RNF150: variants seen among roughly 807,000 people sequenced by gnomAD.
RNF150 encodes ring finger protein 150.
In RNF150, 24 loss-of-function variants were observed where a neutral mutation model predicts 39.3. The observed-to-expected ratio is 0.61, with a 90% CI of 0.44 to 0.86. The LOEUF (loss-of-function observed/expected upper bound fraction) is 0.86, where lower values mean the gene tolerates loss of function less well. RNF150 is among the 40% of genes least tolerant of loss of function. The pLI is 0.00. For synonymous variants in RNF150, 255 were observed against 227.3 expected (o/e 1.12, Z -1.10); for missense variants, 502 against 587.8 (o/e 0.85, Z 1.51).
chr4:140,916,707 C>T (rs1302958542), intron 5 of RNF150, among the ~76,000 whole-genome samples: 1 of 152,108 alleles, frequency 6.6e-6, no homozygotes, highest in Admixed American at 6.6e-5. Flanking sequence ...CAAAGATACT[C>T]CTCAAGAAGA....
intron 2 of RNF150, among the ~76,000 whole-genome samples, chr4:140,960,445 C>A (rs573762477): frequency 6.6e-6 from 1 of 152,112 alleles, no homozygotes; most frequent in African/African-American, 2.4e-5. Context: ...CACTTTTCAA[C>A]CATACCTGAG....
At chr4:141,042,032 T>C (rs72937372) in intron 1 of RNF150, among the ~76,000 whole-genome samples, 3,629 of 152,138 alleles carry the variant, frequency 0.024, 146 homozygotes, top group African/African-American at 0.08. Flanking sequence ...GATGACTATT[T>C]TCTCAATGAA....
chr4:140,920,308 C>T (rs966635883), intron 5 of RNF150, among the ~76,000 whole-genome samples: 17 of 137,636 alleles, frequency 1.2e-4, no homozygotes, highest in African/African-American at 3.2e-4. Context: ...GGCTAATATC[C>T]AGAATCTACA....
chr4:141,019,334 C>G (rs1281874700), intron 1 of RNF150, among the ~76,000 whole-genome samples: 1 of 151,944 alleles, frequency 6.6e-6, no homozygotes, highest in Non-Finnish European at 1.5e-5. Context: ...TGATACCTTT[C>G]TAATTCTATG....
Position 140,934,088 on chromosome 4 carries a change from G to C in RNF150, c.891-8015C>G, listed in dbSNP as rs533199561. ...TGCAGTGGCGTGATCTAGGCTCACTGCCACCTCCGCCTCCCAGGTTCAAGT... is the reference window on the plus strand; with the variant it reads ...TGCAGTGGCGTGATCTAGGCTCACTCCCACCTCCGCCTCCCAGGTTCAAGT... On this transcript the variant is annotated intron_variant, in intron 4 of 6. Transcript: ENST00000515673. Among the ~76,000 whole-genome samples, 4 of 152,314 alleles carry C rather than the reference G, an allele frequency of 2.6e-5. No individual in the cohort carries two copies. The East Asian group carries it at 7.7e-4, about 29-fold the overall frequency.
At chr4:141,088,970 T>C (rs1459412573) in intron 1 of RNF150, among the ~76,000 whole-genome samples, 3 of 152,176 alleles carry the variant, frequency 2.0e-5, no homozygotes, top group African/African-American at 7.2e-5. Flanking sequence ...GTATTTTACA[T>C]AATTGCTAAC....
chr4:141,203,325 T>C (rs914932178), intron 1 of RNF150, among the ~76,000 whole-genome samples: 10 of 149,672 alleles, frequency 6.7e-5, no homozygotes, highest in Admixed American at 1.3e-4. Flanking sequence ...ATCTTGGAGA[T>C]GATATATATA....
chr4:141,015,950 T>C (rs2110766479), intron 1 of RNF150, among the ~76,000 whole-genome samples: 1 of 152,180 alleles, frequency 6.6e-6, no homozygotes, highest in South Asian at 2.1e-4. Flanking sequence ...GTGGGGTGTG[T>C]GAAACCAAGG....
chr4:141,177,204 C>T (rs1363100333), intron 1 of RNF150, among the ~76,000 whole-genome samples: 2 of 152,208 alleles, frequency 1.3e-5, no homozygotes, highest in Middle Eastern at 3.4e-3. Flanking sequence ...TGTACTCCAG[C>T]CCTGGCAACA....
At chr4:140,956,609 T>G (rs1732764250) in intron 2 of RNF150, among the ~76,000 whole-genome samples, 2 of 151,970 alleles carry the variant, frequency 1.3e-5, no homozygotes, top group African/African-American at 4.8e-5. Context: ...TTGAACACAT[T>G]TGGGGGAAAA....
At chr4:141,161,196 A>G (rs1335028731) in intron 1 of RNF150, among the ~76,000 whole-genome samples, 1 of 152,170 alleles carries the variant, frequency 6.6e-6, no homozygotes, top group Non-Finnish European at 1.5e-5. Context: ...ACTTATTGAG[A>G]ACTCAAGTAA....
intron 5 of RNF150, among the ~76,000 whole-genome samples, chr4:140,922,433 A>G (rs1056836809): frequency 1.5e-4 from 22 of 150,912 alleles, no homozygotes; most frequent in African/African-American, 5.1e-4. Context: ...GACCTCTTCA[A>G]GGAGAACTAC....
rs1726943859 is a variant in RNF150 at position 141,132,904 on chromosome 4, C to CCTG, written c.-99_-97dup. ...CCAACCCCGGGCCGCTGCCTCTCCT[C>CCTG]CTGCTGCTGCTCACTCCCGGGCCGG... On this transcript the variant is annotated 5_prime_UTR_variant, in exon 1 of 7. Transcript: ENST00000515673. The surrounding 1 kb of genome is among the most constrained non-coding windows in gnomAD (Gnocchi z 4.9). 1 of 1,026,660 alleles carries CCTG rather than the reference C, an allele frequency of 9.7e-7. No individual in the cohort carries two copies. Among genetic ancestry groups the CCTG allele is most frequent in the East Asian group, 2.8e-5 (1 of 36,274 alleles). The allele number at this position is 1,026,660 out of a possible 1,614,324, so 63.6% of individuals were successfully genotyped here.
At chr4:141,124,599 T>C (rs1347203275) in intron 1 of RNF150, among the ~76,000 whole-genome samples, 1 of 152,186 alleles carries the variant, frequency 6.6e-6, no homozygotes, top group African/African-American at 2.4e-5. Context: ...AGATGAATAT[T>C]TGCTGTAGAT....
At chr4:141,049,322 G>T (rs1196944510) in intron 1 of RNF150, among the ~76,000 whole-genome samples, 1 of 150,540 alleles carries the variant, frequency 6.6e-6, no homozygotes, top group Non-Finnish European at 1.5e-5. Flanking sequence ...AAAAAAAGGA[G>T]GTGACATACT....
intron 4 of RNF150, among the ~76,000 whole-genome samples, chr4:140,933,075 T>C (rs1361739196): frequency 6.6e-6 from 1 of 152,202 alleles, no homozygotes; most frequent in Non-Finnish European, 1.5e-5. Context: ...CTTGTTTGTA[T>C]AGTGCTTCAT....
chr4:140,913,724 T>C (rs1387629239), intron 5 of RNF150, among the ~76,000 whole-genome samples: 2 of 152,206 alleles, frequency 1.3e-5, no homozygotes, highest in East Asian at 1.9e-4. Flanking sequence ...CCACACTATA[T>C]TGACTTTGGA....
intron 1 of RNF150, among the ~76,000 whole-genome samples, chr4:141,199,973 T>A (rs1479232672): frequency 6.6e-6 from 1 of 152,186 alleles, no homozygotes; most frequent in Admixed American, 6.5e-5. Context: ...TATATGTGCA[T>A]ATATACATAT....
intron 2 of RNF150, among the ~76,000 whole-genome samples, chr4:140,955,328 CA>C (rs1209536376): frequency 2.0e-5 from 3 of 152,110 alleles, no homozygotes; most frequent in Non-Finnish European, 4.4e-5. Context: ...GTAGAAACAT[CA>C]GGGTTTGTTG....
Sources: allele counts gnomAD v4.1 joint callset (sites outside exome capture counted in the v4.1 genomes callset), GRCh38; gene constraint gnomAD v4.1.1; non-coding constraint Gnocchi (gnomAD v3.1); transcripts MANE v1.5; gene names NCBI Gene and HGNC (gene_info 2026-07-23, HGNC 2026-07-21).